Variants in HSP90AA1 observed in about 807,000 individuals in gnomAD.
HSP90AA1 encodes the protein heat shock protein HSP 90-alpha.
HSP90AA1 carries 18 observed loss-of-function variants against 73.3 expected under a neutral mutation model. The observed-to-expected ratio is 0.25, with a 90% CI of 0.17 to 0.36. The LOEUF (loss-of-function observed/expected upper bound fraction) is 0.36, where lower values mean the gene tolerates loss of function less well. HSP90AA1 is among the 10% of genes least tolerant of loss of function. The pLI, the probability that HSP90AA1 is intolerant of heterozygous loss-of-function variation, is 1.00. For missense variants in HSP90AA1, 704 were observed against 874.2 expected (o/e 0.81, Z 2.45); for synonymous variants, 477 against 296.9 (o/e 1.61, Z -6.24).
intron 1 of HSP90AA1, among the ~76,000 whole-genome samples, chr14:102,113,080 G>A (rs1042316434): frequency 2.0e-5 from 3 of 152,046 alleles, no homozygotes; most frequent in Non-Finnish European, 4.4e-5. Context: ...CTGGAGTGCA[G>A]TAGTGCGATC....
At chr14:102,118,448 C>T (rs1344408643) in intron 1 of HSP90AA1, among the ~76,000 whole-genome samples, 4 of 151,586 alleles carry the variant, frequency 2.6e-5, no homozygotes, top group Admixed American at 2.6e-4. Context: ...TCTATGTTGC[C>T]CAGTCTGGTC....
chr14:102,119,603 C>T (rs892815226), intron 1 of HSP90AA1, among the ~76,000 whole-genome samples: 1 of 152,176 alleles, frequency 6.6e-6, no homozygotes, highest in Non-Finnish European at 1.5e-5. Context: ...ATTCTCCTGC[C>T]TCACCCTCCG....
At chr14:102,115,053 A>T (rs1476104966) in intron 1 of HSP90AA1, among the ~76,000 whole-genome samples, 1 of 151,952 alleles carries the variant, frequency 6.6e-6, no homozygotes, top group Non-Finnish European at 1.5e-5. Context: ...AAGCTGAGGC[A>T]GGAGAATGGC....
At position 102,085,923 on chromosome 14, in the gene HSP90AA1, A is replaced by G. The variant is rs1188939357; in HGVS notation, c.364T>C (p.Leu122=). 6.2e-7 allele frequency: 1 copy of G among 1,613,896 alleles called. No individual in the cohort carries two copies. Among genetic ancestry groups the G allele is most frequent in the Non-Finnish European group, 8.5e-7 (1 of 1,179,878 alleles). ...ATAGAGATATCTGCACCAGCCTGCA[A>G]AGCTTCCATGAACGCTTTGGTCCCA... is the stretch of plus-strand genomic sequence containing the variant. ...KSGTKAFMEA[L]QAGADISMIG... The change falls in exon 3 of 11, where the codon TTG becomes CTG. Residue 122 remains leucine (L), a synonymous_variant. Coordinates refer to ENST00000216281, the MANE Select transcript of HSP90AA1 (RefSeq NM_005348.4).
chr14:102,134,552 CAG>C (rs1247009029), intron 1 of HSP90AA1, among the ~76,000 whole-genome samples: 5 of 152,136 alleles, frequency 3.3e-5, no homozygotes, highest in African/African-American at 4.8e-5. Flanking sequence ...CGGTTGTGTT[CAG>C]AGTTTCTTCC....
intron 1 of HSP90AA1, among the ~76,000 whole-genome samples, chr14:102,131,387 C>G (rs879567094): frequency 6.6e-6 from 1 of 152,208 alleles, no homozygotes; most frequent in African/African-American, 2.4e-5. Flanking sequence ...CTACCTACCT[C>G]TGGCACCTGT....
At chr14:102,084,208 G>T (rs2049167054) in intron 6 of HSP90AA1, 191 bp downstream of exon 6, 4 of 679,244 alleles carry the variant, frequency 5.9e-6, no homozygotes, top group Non-Finnish European at 1.0e-5. Context: ...CACTACATGG[G>T]GCTAATTTTT....
intron 9 of HSP90AA1, 34 bp downstream of exon 9, chr14:102,083,000 G>GT: frequency 1.3e-6 from 2 of 1,598,488 alleles, no homozygotes; most frequent in Admixed American, 1.7e-5. Flanking sequence ...CACCTTAGAA[G>GT]TATCAATGAT....
chr14:102,084,977 CTTT>C lies in HSP90AA1; in HGVS notation c.682_684del (p.Lys228del), dbSNP rs746607033. 36 of 1,613,116 alleles carry C rather than the reference CTTT, an allele frequency of 2.2e-5. No homozygotes were observed. The highest frequency in any genetic ancestry group is 6.7e-5 in the African/African-American group (5 of 74,882). The stretch of plus-strand genomic sequence containing the variant: ...TCTTCAGCCTCATCATCGCTTACTT[CTTT>C]ATCACGTTCCTTCTCCACCTTCAAA... On this transcript the variant is annotated inframe_deletion, in exon 5 of 11. Transcript: ENST00000216281.
At position 102,085,458 on chromosome 14, in the gene HSP90AA1, T is replaced by TTA. The variant is rs1555361987; in HGVS notation, c.530-29_530-28dup. 1.1e-5 allele frequency: 17 copies of TTA among 1,593,386 alleles called. No homozygotes were observed. The African/African-American group carries it at 2.3e-4, about 21-fold the overall frequency. On this transcript the variant is annotated intron_variant, in intron 3 of 10. Coordinates refer to ENST00000216281, the MANE Select transcript of HSP90AA1 (RefSeq NM_005348.4). ...TGCAAGAGAAGAAAGAAAAATTGAC[T>TTA]TAATACATTCAATTTAGTGCTCAAC...
At chr14:102,088,038 C>T (rs1183391689), upstream of HSP90AA1, among the ~76,000 whole-genome samples, 1 of 150,680 alleles carries the variant, frequency 6.6e-6, no homozygotes, top group African/African-American at 2.4e-5. Context: ...CCTCGACCCT[C>T]CCGGGCTCAG....
At chr14:102,139,395 A>G in exon 1 of HSP90AA1, 1 of 1,571,562 alleles carries the variant, frequency 6.4e-7, no homozygotes, top group Non-Finnish European at 8.6e-7. Flanking sequence ...CCGCCCGAAC[A>G]CGGGGGCATC....
exon 1 of HSP90AA1, chr14:102,139,392 A>G (rs1166757356): frequency 6.3e-7 from 1 of 1,574,926 alleles, no homozygotes; most frequent in Non-Finnish European, 8.6e-7. Context: ...TCCCCGCCCG[A>G]ACACGGGGGC....
chr14:102,121,655 A>C, intron 1 of HSP90AA1, among the ~76,000 whole-genome samples: 1 of 152,170 alleles, frequency 6.6e-6, no homozygotes, highest in Non-Finnish European at 1.5e-5. Context: ...GATATTTTCC[A>C]ATGTGATAGT....
At chr14:102,128,630 GAA>G (rs34691938) in intron 1 of HSP90AA1, among the ~76,000 whole-genome samples, 39 of 106,992 alleles carry the variant, frequency 3.6e-4, no homozygotes, top group African/African-American at 1.2e-3. Flanking sequence ...CTCCGTCTCG[GAA>G]AAAAAAAAAA....
chr14:102,106,807 G>A (rs2049575044), intron 1 of HSP90AA1, among the ~76,000 whole-genome samples: 1 of 151,884 alleles, frequency 6.6e-6, no homozygotes, highest in African/African-American at 2.4e-5. Flanking sequence ...GCCTCCCAAA[G>A]TGCAAGGATT....
intron 1 of HSP90AA1, chr14:102,102,220 T>G: frequency 1.3e-6 from 1 of 743,844 alleles, no homozygotes; most frequent in Non-Finnish European, 2.4e-6. Context: ...GTCAAATGGA[T>G]TAAAATATGT....
At chr14:102,117,084 A>T (rs985976346) in intron 1 of HSP90AA1, among the ~76,000 whole-genome samples, 3 of 152,132 alleles carry the variant, frequency 2.0e-5, no homozygotes, top group African/African-American at 7.2e-5. Context: ...GTGCAGCACT[A>T]ACATGTCAAC....
Position 102,086,138 on chromosome 14 carries a change from A to G in HSP90AA1, c.163-14T>C. The G allele has an allele frequency of 6.2e-7, 1 of 1,614,136 alleles. No individual in the cohort carries two copies. The highest frequency in any genetic ancestry group is 8.5e-7 in the Non-Finnish European group (1 of 1,180,002). ...TTTGTCCAATGCCTGTTAACAAAAA[A>G]TATTAATTTAAGCATACAGCACCCC... is the stretch of plus-strand genomic sequence containing the variant. On this transcript the variant is annotated splice_polypyrimidine_tract_variant and intron_variant, in intron 2 of 10. Transcript: ENST00000216281.
Sources: allele counts gnomAD v4.1 joint callset (sites outside exome capture counted in the v4.1 genomes callset), GRCh38; gene constraint gnomAD v4.1.1; transcripts MANE v1.5; gene names NCBI Gene and HGNC (gene_info 2026-07-23, HGNC 2026-07-21).